The following FEZF1 variants were observed in gnomAD, a reference collection of about 807,000 sequenced individuals.
The protein encoded by FEZF1 is FEZ family zinc finger 1.
FEZF1 carries 8 observed loss-of-function variants against 32.4 expected under a neutral mutation model. The ratio of observed to expected loss-of-function variants is 0.25; its 90% confidence interval spans 0.15 to 0.45. The LOEUF (loss-of-function observed/expected upper bound fraction) is 0.45, where lower values mean the gene tolerates loss of function less well. Among genes scored for constraint, FEZF1 ranks in the 20% least tolerant of loss-of-function variants. The pLI, the probability that FEZF1 is intolerant of heterozygous loss-of-function variation, is 1.00. For synonymous variants in FEZF1, 259 were observed against 265.2 expected, an observed-to-expected ratio of 0.98 and a Z score of 0.23; for missense variants, 546 against 622.3, an observed-to-expected ratio of 0.88 and a Z score of 1.31.
At chr7:122,303,404 C>A (rs1331491763) in intron 1 of FEZF1, 93 bp from the exon 2 acceptor site, 10 of 1,468,630 alleles carry the variant, frequency 6.8e-6, no homozygotes, top group Non-Finnish European at 8.4e-6. Flanking sequence ...AGAATCTTAA[C>A]AAAAAGTGTA....
In FEZF1 at chr7:122,304,165, C is replaced by T. The variant is rs1218362779; in HGVS notation, c.273G>A (p.Thr91=). 2 of 1,602,168 alleles carry T rather than the reference C, an allele frequency of 1.2e-6. No individual in the cohort carries two copies. The highest frequency in any genetic ancestry group is 2.2e-5 in the South Asian group (2 of 89,686). The change falls in exon 1 of 4, where the codon ACG becomes ACA. Residue 91 remains threonine (T), a synonymous_variant. Transcript: ENST00000442488. ...AYDTSPKAGV[T]GSEPRKASLE... is the part of the protein sequence containing the mutation. The stretch of plus-strand genomic sequence containing the variant: ...GACTGGCCTTCCGCGGCTCGGAGCC[C>T]GTCACTCCTGCCTTGGGGCTCGTGT...
At chr7:122,307,951 G>C (rs534176905), upstream of FEZF1, among the ~76,000 whole-genome samples, 23 of 152,182 alleles carry the variant, frequency 1.5e-4, no homozygotes, top group African/African-American at 5.1e-4. Context: ...CGTCCAATCT[G>C]TCTAGTACTT....
In FEZF1 at chr7:122,303,318, A is replaced by T. The variant is rs771799316; in HGVS notation, c.802-7T>A. 6.2e-7 allele frequency: 1 copy of T among 1,613,846 alleles called. No individual in the cohort carries two copies. The highest frequency in any genetic ancestry group is 1.7e-5 in the Admixed American group (1 of 60,018). ...TATAGTGCGCATTAAAGACCTTAAA[A>T]TTAAACACACGTAGAACAGGTTAGC... is the stretch of plus-strand genomic sequence containing the variant. On this transcript the variant is annotated splice_region_variant and splice_polypyrimidine_tract_variant and intron_variant, in intron 1 of 3. Transcript: ENST00000442488.
Position 122,304,383 on chromosome 7 carries a change from G to A in FEZF1, c.55C>T (p.Arg19Trp), listed in dbSNP as rs750664723. The change falls in exon 1 of 4, where the codon CGG (arginine) becomes TGG (tryptophan). Residue 19 changes from arginine to tryptophan, a missense_variant. By Grantham distance (101) the Arg-to-Trp change is moderately radical. Around this residue, in one of 3 missense-constraint regions of FEZF1, gnomAD observed 345 missense variants for 360.6 expected, o/e 0.96. Transcript: ENST00000442488. The stretch of plus-strand genomic sequence containing the variant: ...TTGGACGTGCTCATCATGTTGCCCC[G>A]AGCTGGAGCAGTCGCTAACATTTTG... ...TTKMLATAPA[R>W]GNMMSTSKPL... The A allele has an allele frequency of 6.3e-7, 1 of 1,593,774 alleles. No individual in the cohort carries two copies. The highest frequency in any genetic ancestry group is 1.7e-5 in the Admixed American group (1 of 57,488).
chr7:122,304,027 C>A lies in FEZF1; in HGVS notation c.411G>T (p.Pro137=), dbSNP rs2031176176. 1 of 1,561,332 alleles carries A rather than the reference C, an allele frequency of 6.4e-7. No homozygotes were observed. The highest frequency in any genetic ancestry group is 8.7e-7 in the Non-Finnish European group (1 of 1,154,570). The change falls in exon 1 of 4, where the codon CCG becomes CCT. Residue 137 remains proline (P), a synonymous_variant. Transcript: ENST00000442488. ...LKGDLARDAL[P]LQQYKLVRPR... ...GCCTTACCAGCTTGTACTGCTGCAG[C>A]GGCAGCGCGTCGCGGGCCAGGTCGC... is the stretch of plus-strand genomic sequence containing the variant.
chr7:122,303,520 A>AGGAAGGAGGGAGGGAGGGAG (rs1563042066), intron 1 of FEZF1, 117 bp downstream of exon 1: 13 of 500,150 alleles, frequency 2.6e-5, no homozygotes, highest in South Asian at 1.8e-4. Context: ...GAAGGAAGGA[A>AGGAAGGAGGGAGGGAGGGAG]GGAAGGAAGG....
rs762899559 is a variant in FEZF1, at chr7:122,304,467, G to A, written c.-30C>T. The A allele has an allele frequency of 1.1e-5, 17 of 1,528,246 alleles. No homozygotes were observed. The East Asian group carries it at 3.9e-4, about 35-fold the overall frequency. 94.7% of individuals were successfully genotyped at this position (1,528,246 alleles called of 1,614,324 possible). On this transcript the variant is annotated 5_prime_UTR_variant, in exon 1 of 4. Coordinates refer to ENST00000442488, the MANE Select transcript of FEZF1 (RefSeq NM_001024613.4). ...GAGTCGCCAGCGTCCGTCAGCCGGGGCTGGGTTGCGCCGTCCGTTGCCTTG... is the reference window on the plus strand; with the variant it reads ...GAGTCGCCAGCGTCCGTCAGCCGGGACTGGGTTGCGCCGTCCGTTGCCTTG...
At chr7:122,305,004 T>TAAAGCC (rs2031232081), upstream of FEZF1, 1 of 148,454 alleles carries the variant, frequency 6.7e-6, no homozygotes, top group Non-Finnish European at 1.5e-5. Context: ...TTAACCAGGC[T>TAAAGCC]TTAGAGGCCA....
upstream of FEZF1, chr7:122,304,773 C>A: frequency 7.3e-6 from 2 of 274,192 alleles, no homozygotes; most frequent in East Asian, 7.7e-5. Context: ...AATTCGCTTC[C>A]AACAGTCAAC....
intron 1 of FEZF1, 75 bp from the exon 2 acceptor site, chr7:122,303,386 G>C: frequency 6.4e-7 from 1 of 1,553,958 alleles, no homozygotes; most frequent in Non-Finnish European, 8.8e-7. Flanking sequence ...AGAGAGGGTA[G>C]GAGGAAGAGA....
upstream of FEZF1, chr7:122,304,881 T>G (rs571218694): frequency 1.3e-5 from 2 of 155,224 alleles, no homozygotes; most frequent in Admixed American, 1.3e-4. Context: ...TTCACCCGCT[T>G]GGCGCGCCCT....
Position 122,302,116 on chromosome 7 carries a change from G to C in FEZF1, c.1309C>G (p.Pro437Ala). 2 of 1,613,678 alleles carry C rather than the reference G, an allele frequency of 1.2e-6. No homozygotes were observed. The highest frequency in any genetic ancestry group is 1.7e-6 in the Non-Finnish European group (2 of 1,179,918). ...LGLARTPAGE[P>A]GTEPPPPLPQ... ...AGCGGGGGCGGCGGTTCAGTGCCTG[G>C]TTCGCCAGCTGGCGTGCGGGCCAGC... is the stretch of plus-strand genomic sequence containing the variant. The change falls in exon 4 of 4, where the codon CCA (proline) becomes GCA (alanine). Residue 437 changes from proline to alanine, a missense_variant. Physicochemically the swap from Pro to Ala is conservative, Grantham distance 27. Coordinates refer to ENST00000442488, the MANE Select transcript of FEZF1 (RefSeq NM_001024613.4). This position sits in a 1 kb window ranked among gnomAD's most constrained non-coding sequence, Gnocchi z 4.4.
In FEZF1 at chr7:122,304,288, G is replaced by A; in HGVS notation, c.150C>T (p.His50=). 1.2e-6 allele frequency: 2 copies of A among 1,612,424 alleles called. No individual in the cohort carries two copies. The highest frequency in any genetic ancestry group is 1.7e-6 in the Non-Finnish European group (2 of 1,179,060). The change falls in exon 1 of 4, where the codon CAC becomes CAT. Residue 50 remains histidine (H), a synonymous_variant. Coordinates refer to ENST00000442488, the MANE Select transcript of FEZF1 (RefSeq NM_001024613.4). The part of the protein sequence containing the change: ...TPEPKALPVP[H]FLQGALPKGE... ...CCTTGGGTAAGGCTCCCTGCAGGAAGTGGGGGACTGGCAGGGCCTTGGGCT... is the reference window on the plus strand; with the variant it reads ...CCTTGGGTAAGGCTCCCTGCAGGAAATGGGGGACTGGCAGGGCCTTGGGCT...
chr7:122,302,355 C>T lies in FEZF1; in HGVS notation c.1070G>A (p.Gly357Glu). 1 of 1,613,786 alleles carries T rather than the reference C, an allele frequency of 6.2e-7. No homozygotes were observed. The highest frequency in any genetic ancestry group is 8.5e-7 in the Non-Finnish European group (1 of 1,179,980). The part of the protein sequence containing the change: ...EFCGKGFHQK[G>E]NYKNHKLTHS... ...GGTCAACTTGTGGTTTTTGTAATTC[C>T]CTGAAACACACAAATGACAGGAATA... The change falls in exon 4 of 4, where the codon GGG becomes GAG. Residue 357 changes from glycine to glutamate, a missense_variant and splice_region_variant. Gly to Glu is a moderately conservative substitution (Grantham distance 98). Around this residue, in one of 3 missense-constraint regions of FEZF1, gnomAD observed 118 missense variants for 188.7 expected, o/e 0.63. Coordinates refer to ENST00000442488, the MANE Select transcript of FEZF1 (RefSeq NM_001024613.4). The surrounding 1 kb of genome is among the most constrained non-coding windows in gnomAD (Gnocchi z 4.4).
At chr7:122,308,916 A>G (rs924465000), upstream of FEZF1, among the ~76,000 whole-genome samples, 6 of 152,218 alleles carry the variant, frequency 3.9e-5, no homozygotes, top group African/African-American at 1.2e-4. Flanking sequence ...TGTTTAATAC[A>G]TAGCACCAAA....
In FEZF1 at chr7:122,304,493, T is replaced by G; in HGVS notation, c.-56A>C. The G allele has an allele frequency of 6.9e-7, 1 of 1,452,866 alleles. No homozygotes were observed. Among genetic ancestry groups the G allele is most frequent in the Non-Finnish European group, 9.3e-7 (1 of 1,080,524 alleles). The allele number at this position is 1,452,866 out of a possible 1,614,324, so 90.0% of individuals were successfully genotyped here. ...CTGGGTTGCGCCGTCCGTTGCCTTG[T>G]TCCCTGCTTGTCACAGACCTGCGGA... On this transcript the variant is annotated 5_prime_UTR_variant, in exon 1 of 4. Coordinates refer to ENST00000442488, the MANE Select transcript of FEZF1 (RefSeq NM_001024613.4).
Position 122,304,226 on chromosome 7 carries a change from A to T in FEZF1, c.212T>A (p.Ile71Asn). 6.3e-7 allele frequency: 1 copy of T among 1,596,700 alleles called. No homozygotes were observed. The highest frequency in any genetic ancestry group is 8.6e-7 in the Non-Finnish European group (1 of 1,169,346). ...AGGCACGAAGGGGATCATGCAGGGG[A>T]TCGACGAGTTGAGATGCAGAGAGTG... ...PKHSLHLNSSIPCMIPFVPVA... is the reference protein window; with the variant it reads ...PKHSLHLNSSNPCMIPFVPVA... Residue 71 changes from isoleucine to asparagine, a missense_variant, in exon 1 of 4, where the codon ATC (isoleucine) becomes AAC (asparagine). Physicochemically the swap from Ile to Asn is moderately radical, Grantham distance 149. Transcript: ENST00000442488.
In FEZF1 at chr7:122,302,989, C is replaced by A; in HGVS notation, c.937-58G>T. On this transcript the variant is annotated intron_variant, in intron 2 of 3. Coordinates refer to ENST00000442488, the MANE Select transcript of FEZF1 (RefSeq NM_001024613.4). The surrounding 1 kb of genome is among the most constrained non-coding windows in gnomAD (Gnocchi z 4.4). Reference sequence around the variant, plus strand: ...AGATATTTTCTAATTATGTGAAGTTCTGCAAGCTCAAAACACAGTAATGCT... The same window carrying A: ...AGATATTTTCTAATTATGTGAAGTTATGCAAGCTCAAAACACAGTAATGCT... 6.4e-7 allele frequency: 1 copy of A among 1,563,250 alleles called. No homozygotes were observed. Among genetic ancestry groups the A allele is most frequent in the South Asian group, 1.2e-5 (1 of 81,902 alleles).
chr7:122,302,183 G>A lies in FEZF1; in HGVS notation c.1242C>T (p.Asp414=), dbSNP rs765126332. ...GCAGCTTGCGGACATGCTTCTTGAG[G>A]TCAAAGTTCCTGCAGAAACCCTTGC... The part of the protein sequence containing the change: ...TCGKGFCRNF[D]LKKHVRKLHD... The change falls in exon 4 of 4, where the codon GAC becomes GAT. Residue 414 remains aspartate, a synonymous_variant. Transcript: ENST00000442488. This position sits in a 1 kb window ranked among gnomAD's most constrained non-coding sequence, Gnocchi z 4.4. 5 of 1,614,226 alleles carry A rather than the reference G, an allele frequency of 3.1e-6. No homozygotes were observed. In the South Asian group the frequency reaches 5.5e-5, roughly 18 times the overall value.
Sources: gnomAD v4.1 joint callset for allele counts (sites outside exome capture counted in the v4.1 genomes callset) on GRCh38, gnomAD v4.1.1 for gene constraint, gnomAD v4.1.1 regional missense constraint, Gnocchi (gnomAD v3.1) non-coding constraint, MANE v1.5 for transcripts, NCBI Gene and HGNC (gene_info 2026-07-23, HGNC 2026-07-21) for gene names.